Variants in PCDHA1 observed in about 807,000 individuals in gnomAD.
PCDHA1 encodes protocadherin alpha-1.
Under a neutral mutation model 61.3 loss-of-function variants are expected in PCDHA1, and 42 were observed. The observed-to-expected ratio is 0.69, with a 90% CI of 0.54 to 0.89. PCDHA1 has a LOEUF of 0.89. Ranked by LOEUF, PCDHA1 falls within the 40% of genes least tolerant of loss-of-function variation. PCDHA1 has a pLI of 0.00. For missense variants in PCDHA1, 1,256 were observed against 1,235.3 expected, an observed-to-expected ratio of 1.02 and a Z score of -0.25; for synonymous variants, 610 against 553.8, an observed-to-expected ratio of 1.10 and a Z score of -1.43.
rs189761790 is a variant in PCDHA1, at chr5:140,799,286, A to G, written c.2394+10602A>G. 3.0e-3 allele frequency among the ~76,000 whole-genome samples: 457 copies of G among 152,230 alleles called. 4 individuals carry two copies. Among genetic ancestry groups the G allele is most frequent in the Middle Eastern group, 0.014 (4 of 294 alleles). ...ACTCTGCTATAAATTCTCATGTGAC[A>G]TTCCATTTTGCAATTAGTATAACTC... On this transcript the variant is annotated intron_variant, in intron 1 of 3. Transcript: ENST00000504120.
At chr5:140,952,962 C>T (rs246032) in intron 1 of PCDHA1, among the ~76,000 whole-genome samples, 1 of 151,598 alleles carries the variant, frequency 6.6e-6, no homozygotes, top group Non-Finnish European at 1.5e-5. Context: ...GGAAGTGATA[C>T]ACACTTTTAA....
intron 1 of PCDHA1, among the ~76,000 whole-genome samples, chr5:140,894,384 T>A (rs1554186071): frequency 6.6e-6 from 1 of 152,046 alleles, no homozygotes; most frequent in Admixed American, 6.5e-5. Flanking sequence ...ATTATATTTG[T>A]ATTAGATATT....
chr5:140,867,114 G>T (rs567577345), intron 1 of PCDHA1: 1 of 152,168 alleles, frequency 6.6e-6, no homozygotes, highest in Admixed American at 6.5e-5. Context: ...TTAACATATT[G>T]TTTTAATTCA....
intron 1 of PCDHA1, chr5:140,813,080 G>A (rs1765223066): frequency 6.6e-6 from 1 of 152,134 alleles, no homozygotes; most frequent in African/African-American, 2.4e-5. Context: ...CCTGGAAAAT[G>A]CTCTGAGTGT....
rs1554213921 is a variant in PCDHA1 at position 140,941,202 on chromosome 5, C to CTTTCTTTCTTTCTTT, written c.2395-37747_2395-37746insTTTCTTTCTTTCTTT. Among the ~76,000 whole-genome samples the CTTTCTTTCTTTCTTT allele has an allele frequency of 5.9e-3, 725 of 122,798 alleles. 27 individuals are homozygous for CTTTCTTTCTTTCTTT. The highest frequency in any genetic ancestry group is 0.024 in the East Asian group (107 of 4,522). The allele number at this position is 122,798 out of a possible 152,430, so 80.6% of individuals were successfully genotyped here. ...TCCTGCTTCTTTTTTTTTCTTTCTTCCTTTCTTTCTTCCTTTCTTTCTTTC... is the reference window on the plus strand; with the variant it reads ...TCCTGCTTCTTTTTTTTTCTTTCTTCTTTCTTTCTTTCTTTCTTTCTTTCTTCCTTTCTTTCTTTC... On this transcript the variant is annotated intron_variant, in intron 1 of 3. Coordinates refer to ENST00000504120, the MANE Select transcript of PCDHA1 (RefSeq NM_018900.4).
In PCDHA1 at chr5:140,787,472, C is replaced by CA. The variant is rs1554117839; in HGVS notation, c.1182_1183insA (p.Phe395IlefsTer28). On this transcript the variant is annotated frameshift_variant, in exon 1 of 4. Transcript: ENST00000504120. LOFTEE classifies it high-confidence loss of function. ...CTTGCTCCTTAATGCCCCACGTCCCCTTCAAGCTGGTGTCCACCTTCAAGA... is the reference window on the plus strand; with the variant it reads ...CTTGCTCCTTAATGCCCCACGTCCCCATTCAAGCTGGTGTCCACCTTCAAGA... 28 of 1,614,250 alleles carry CA rather than the reference C, an allele frequency of 1.7e-5. No individual in the cohort carries two copies. In the East Asian group the frequency reaches 6.2e-4, roughly 36 times the overall value.
At position 140,876,601 on chromosome 5, in the gene PCDHA1, C is replaced by A. The variant is rs143847585; in HGVS notation, c.2394+87917C>A. The A allele has an allele frequency of 2.5e-4, 409 of 1,614,152 alleles. No individual in the cohort carries two copies. The highest frequency in any genetic ancestry group is 3.3e-4 in the Non-Finnish European group (387 of 1,180,034). ...CATTGCCCTGATTAGCGTGTCGGAT[C>A]GTGACTCTGGAGCCAATGGACAGGT... On this transcript the variant is annotated intron_variant, in intron 1 of 3. Coordinates refer to ENST00000504120, the MANE Select transcript of PCDHA1 (RefSeq NM_018900.4).
chr5:141,004,869 A>T (rs908726845), intron 3 of PCDHA1, among the ~76,000 whole-genome samples: 3 of 152,218 alleles, frequency 2.0e-5, no homozygotes, highest in Non-Finnish European at 2.9e-5. Flanking sequence ...TTTGTTTCTC[A>T]TCCCTAAAGT....
At chr5:140,808,722 C>T in intron 1 of PCDHA1, 2 of 1,612,134 alleles carry the variant, frequency 1.2e-6, no homozygotes, top group Non-Finnish European at 1.7e-6. Context: ...TCGGTGCATG[C>T]GGAGAGCGGC....
Position 140,914,027 on chromosome 5 carries a change from T to G in PCDHA1, c.2395-64922T>G, listed in dbSNP as rs188298966. Among the ~76,000 whole-genome samples the G allele has an allele frequency of 8.0e-3, 1,214 of 152,300 alleles. 6 individuals carry two copies. Among genetic ancestry groups the G allele is most frequent in the African/African-American group, 0.019 (784 of 41,574 alleles). On this transcript the variant is annotated intron_variant, in intron 1 of 3. Coordinates refer to ENST00000504120, the MANE Select transcript of PCDHA1 (RefSeq NM_018900.4). ...CTATCTTTGAGAATGATCCACGTGCTGAGAAGAATGTGTATTCTGCAGCTG... is the reference window on the plus strand; with the variant it reads ...CTATCTTTGAGAATGATCCACGTGCGGAGAAGAATGTGTATTCTGCAGCTG...
chr5:140,788,764 A>G (rs1554118329), intron 1 of PCDHA1, 80 bp downstream of exon 1: 3 of 1,462,050 alleles, frequency 2.1e-6, no homozygotes, highest in Admixed American at 5.5e-5. Context: ...TATCACTTTA[A>G]AAAATGTCTT....
intron 1 of PCDHA1, chr5:140,824,053 G>A: frequency 6.2e-7 from 1 of 1,614,172 alleles, no homozygotes; most frequent in Non-Finnish European, 8.5e-7. Flanking sequence ...GGTGTGCTCT[G>A]GGGAAGCTCC....
At chr5:141,004,142 G>C (rs1323224367) in intron 3 of PCDHA1, among the ~76,000 whole-genome samples, 1 of 152,214 alleles carries the variant, frequency 6.6e-6, no homozygotes, top group African/African-American at 2.4e-5. Flanking sequence ...TGCCCCAAAG[G>C]CATGACATTT....
At chr5:140,823,656 A>G (rs2150127966) in intron 1 of PCDHA1, 2 of 1,613,972 alleles carry the variant, frequency 1.2e-6, no homozygotes, top group Non-Finnish European at 1.7e-6. Flanking sequence ...GGCTGTACAC[A>G]GGCGAGATCA....
chr5:140,898,004 T>C (rs2066460029), intron 1 of PCDHA1, among the ~76,000 whole-genome samples: 1 of 152,210 alleles, frequency 6.6e-6, no homozygotes, highest in East Asian at 1.9e-4. Context: ...GAAGTGTCTG[T>C]TCATATCCTT....
chr5:140,827,940 C>T, intron 1 of PCDHA1: 2 of 1,159,002 alleles, frequency 1.7e-6, no homozygotes, highest in Non-Finnish European at 2.4e-6. Flanking sequence ...TTATAGCTAG[C>T]CAACATTCAA....
chr5:140,978,036 C>T (rs1460377915), intron 1 of PCDHA1, among the ~76,000 whole-genome samples: 22 of 152,268 alleles, frequency 1.4e-4, no homozygotes, highest in Admixed American at 1.4e-3. Context: ...TGATACAAGA[C>T]AGTGATGGTG....
chr5:140,800,618 T>A (rs1185964202), intron 1 of PCDHA1, among the ~76,000 whole-genome samples: 1 of 152,192 alleles, frequency 6.6e-6, no homozygotes, highest in South Asian at 2.1e-4. Context: ...TGAAATCCCA[T>A]CGTACCAAGA....
intron 3 of PCDHA1, among the ~76,000 whole-genome samples, chr5:141,008,980 A>C (rs533099581): frequency 6.6e-6 from 1 of 152,374 alleles, no homozygotes; most frequent in African/African-American, 2.4e-5. Context: ...GCCAAAGTTT[A>C]ATCTAGACAC....
Sources: gnomAD v4.1 joint callset for allele counts (sites outside exome capture counted in the v4.1 genomes callset) on GRCh38, gnomAD v4.1.1 for gene constraint, MANE v1.5 for transcripts, NCBI Gene and HGNC (gene_info 2026-07-23, HGNC 2026-07-21) for gene names.